VSNL1: variants seen among roughly 807,000 people sequenced by gnomAD.
VSNL1 encodes visinin-like protein 1.
Under a neutral mutation model 20.4 loss-of-function variants are expected in VSNL1, and 6 were observed. The observed-to-expected ratio is 0.29, with a 90% CI of 0.16 to 0.58. The LOEUF (loss-of-function observed/expected upper bound fraction) is 0.58. Ranked by LOEUF, VSNL1 falls within the 20% of genes least tolerant of loss-of-function variation. VSNL1 has a pLI of 0.90. For missense variants in VSNL1, 100 were observed against 234.5 expected (o/e 0.43, Z 3.75); for synonymous variants, 93 against 86.4 (o/e 1.08, Z -0.42).
intron 2 of VSNL1, among the ~76,000 whole-genome samples, chr2:17,614,421 G>C (rs1193229321): frequency 1.3e-5 from 2 of 152,244 alleles, no homozygotes; most frequent in African/African-American, 2.4e-5. Context: ...AGTTTTGCCA[G>C]TTGTCATTTT....
intron 1 of VSNL1, among the ~76,000 whole-genome samples, chr2:17,591,521 C>G (rs1664593522): frequency 6.6e-6 from 1 of 152,144 alleles, no homozygotes; most frequent in Admixed American, 6.6e-5. Context: ...ATTAGTGTGA[C>G]TAATAGAAAT....
chr2:17,653,809 A>G (rs1236416103), intron 3 of VSNL1, among the ~76,000 whole-genome samples: 1 of 152,220 alleles, frequency 6.6e-6, no homozygotes, highest in African/African-American at 2.4e-5. Context: ...AAGTGTACAG[A>G]GATATGCAAC....
At chr2:17,594,182 A>C (rs535792510) in intron 2 of VSNL1, among the ~76,000 whole-genome samples, 85 of 152,348 alleles carry the variant, frequency 5.6e-4, no homozygotes, top group African/African-American at 2.0e-3. Flanking sequence ...TTTATGGTAC[A>C]ACTGATATAT....
intron 2 of VSNL1, among the ~76,000 whole-genome samples, chr2:17,600,040 T>G (rs1480935036): frequency 6.6e-6 from 1 of 152,234 alleles, no homozygotes; most frequent in Non-Finnish European, 1.5e-5. Flanking sequence ...CTCTTCCCTC[T>G]GTGTTCCCAA....
intron 2 of VSNL1, among the ~76,000 whole-genome samples, chr2:17,637,479 G>C (rs1349817917): frequency 6.6e-6 from 1 of 152,024 alleles, no homozygotes; most frequent in Non-Finnish European, 1.5e-5. Context: ...CCTCCTGTAC[G>C]CTGCCCCCAC....
chr2:17,647,666 T>C (rs1666027283), intron 2 of VSNL1, among the ~76,000 whole-genome samples: 1 of 152,122 alleles, frequency 6.6e-6, no homozygotes, highest in Non-Finnish European at 1.5e-5. Context: ...GGAAAGTCCT[T>C]CCCTCTACAA....
At chr2:17,544,597 C>T (rs1236439944) in intron 1 of VSNL1, among the ~76,000 whole-genome samples, 1 of 152,074 alleles carries the variant, frequency 6.6e-6, no homozygotes, top group Non-Finnish European at 1.5e-5. Context: ...GAGAGGCTCC[C>T]TAGGGAGTTT....
intron 2 of VSNL1, among the ~76,000 whole-genome samples, chr2:17,647,416 C>T (rs2710662): frequency 0.51 from 77,727 of 151,862 alleles, 22,652 homozygotes; most frequent in African/African-American, 0.79. Context: ...AGGTGCCAGC[C>T]CCACCCAGGC....
chr2:17,575,238 G>C (rs1664180231), intron 1 of VSNL1, among the ~76,000 whole-genome samples: 1 of 152,180 alleles, frequency 6.6e-6, no homozygotes, highest in South Asian at 2.1e-4. Context: ...CAACCCGGGA[G>C]GGAAGCAGAG....
At chr2:17,556,495 T>G (rs407575) in intron 1 of VSNL1, among the ~76,000 whole-genome samples, 44,697 of 152,064 alleles carry the variant, frequency 0.29, 8,361 homozygotes, top group East Asian at 0.87. Context: ...GCATGGCTTC[T>G]GATTCCTTGC....
intron 2 of VSNL1, among the ~76,000 whole-genome samples, chr2:17,617,889 GCA>G (rs70961501): frequency 2.7e-4 from 41 of 149,650 alleles, no homozygotes; most frequent in East Asian, 7.8e-4. Context: ...ACATGCACGC[GCA>G]CACACACACA....
chr2:17,576,903 G>A (rs564940348), intron 1 of VSNL1, among the ~76,000 whole-genome samples: 1 of 152,052 alleles, frequency 6.6e-6, no homozygotes, highest in South Asian at 2.1e-4. Context: ...TTAATAACTG[G>A]TATTTGCTTT....
chr2:17,621,280 CTTTT>C (rs1203579269), intron 2 of VSNL1, among the ~76,000 whole-genome samples: 1 of 149,160 alleles, frequency 6.7e-6, no homozygotes, highest in African/African-American at 2.5e-5. Context: ...CTTCCTCTTT[CTTTT>C]TTTCTCTCTC....
chr2:17,545,301 G>C (rs1663382331), intron 1 of VSNL1, among the ~76,000 whole-genome samples: 1 of 151,980 alleles, frequency 6.6e-6, no homozygotes, highest in Non-Finnish European at 1.5e-5. Flanking sequence ...ATGACAGAGA[G>C]AGACCCTATC....
At chr2:17,554,595 C>T (rs967661205) in intron 1 of VSNL1, among the ~76,000 whole-genome samples, 3 of 152,046 alleles carry the variant, frequency 2.0e-5, no homozygotes, top group African/African-American at 7.2e-5. Flanking sequence ...ACAACCAGAA[C>T]TAAAGAGGGC....
chr2:17,585,809 T>TC (rs1491352231), intron 1 of VSNL1, among the ~76,000 whole-genome samples: 1 of 142,712 alleles, frequency 7.0e-6, no homozygotes, highest in Non-Finnish European at 1.5e-5. Context: ...TCTTTTTTTC[T>TC]TTTTTTTTTT....
chr2:17,592,292 T>C, intron 2 of VSNL1, 56 bp downstream of exon 2: 1 of 1,559,658 alleles, frequency 6.4e-7, no homozygotes, highest in Non-Finnish European at 8.8e-7. Context: ...ATGGCCTTCA[T>C]GAAATTGTAC....
chr2:17,598,903 G>T (rs190848154), intron 2 of VSNL1, among the ~76,000 whole-genome samples: 2 of 152,328 alleles, frequency 1.3e-5, no homozygotes, highest in Admixed American at 6.5e-5. Flanking sequence ...GCTTTGTTTT[G>T]TTAAATTGGT....
rs144542795 is a variant in VSNL1, at chr2:17,558,091, C to T, written c.-6+17173C>T. 5.6e-3 allele frequency among the ~76,000 whole-genome samples: 849 copies of T among 152,132 alleles called. 6 individuals are homozygous for T. Among genetic ancestry groups the T allele is most frequent in the Non-Finnish European group, 8.9e-3 (602 of 67,996 alleles). ...GACTAGGAATTAGATAGACAAAGGG[C>T]AGAGGGAGTAGGAATGCTCTTATTA... On this transcript the variant is annotated intron_variant, in intron 1 of 3. Coordinates refer to ENST00000295156, the MANE Select transcript of VSNL1 (RefSeq NM_003385.5).
Sources: gnomAD v4.1 joint callset for allele counts (sites outside exome capture counted in the v4.1 genomes callset) on GRCh38, gnomAD v4.1.1 for gene constraint, MANE v1.5 for transcripts, NCBI Gene and HGNC (gene_info 2026-07-23, HGNC 2026-07-21) for gene names.